The following KIF15 variants were observed in gnomAD, a reference collection of about 807,000 sequenced individuals.
The protein encoded by KIF15 is kinesin-like protein KIF15.
A neutral mutation model predicts 190.6 loss-of-function variants in KIF15; 140 were observed. That is an observed-to-expected ratio of 0.73 (90% CI 0.64 to 0.84). The LOEUF (loss-of-function observed/expected upper bound fraction) is 0.84, where lower values mean the gene tolerates loss of function less well. Ranked by LOEUF, KIF15 falls within the 40% of genes least tolerant of loss-of-function variation. KIF15 has a pLI of 0.00. For synonymous variants in KIF15, 528 were observed against 551.3 expected, an observed-to-expected ratio of 0.96 and a Z score of 0.59; for missense variants, 1,372 against 1,584.4, an observed-to-expected ratio of 0.87 and a Z score of 2.28.
intron 22 of KIF15, 148 bp from the exon 23 acceptor site, chr3:44,827,310 CA>C: frequency 1.7e-6 from 1 of 587,104 alleles, no homozygotes; most frequent in Non-Finnish European, 3.1e-6. Flanking sequence ...GAAATGGGTT[CA>C]AATTTCTGAT....
chr3:44,825,444 G>A (rs1697587781), intron 20 of KIF15, among the ~76,000 whole-genome samples: 1 of 152,160 alleles, frequency 6.6e-6, no homozygotes, highest in Admixed American at 6.5e-5. Flanking sequence ...TGATCCAGAG[G>A]TCAGATTGAT....
chr3:44,850,051 C>G (rs1467728953), intron 32 of KIF15, among the ~76,000 whole-genome samples: 1 of 152,104 alleles, frequency 6.6e-6, no homozygotes, highest in Non-Finnish European at 1.5e-5. Context: ...AAATCTTGTT[C>G]ACATAGTTAA....
intron 3 of KIF15, 51 bp from the exon 4 acceptor site, chr3:44,778,064 A>G: frequency 1.3e-6 from 2 of 1,506,696 alleles, no homozygotes; most frequent in Non-Finnish European, 1.8e-6. Flanking sequence ...GCAATTTAGG[A>G]AAAATGTTTT....
chr3:44,849,091 A>G (rs1312089791), intron 32 of KIF15, among the ~76,000 whole-genome samples: 3 of 152,228 alleles, frequency 2.0e-5, no homozygotes, highest in Non-Finnish European at 4.4e-5. Context: ...GCTGGTTGGC[A>G]TTAACACAAA....
intron 7 of KIF15, among the ~76,000 whole-genome samples, chr3:44,792,547 A>AT (rs879474361): frequency 0.028 from 4,039 of 143,394 alleles, 64 homozygotes; most frequent in Non-Finnish European, 0.039. Flanking sequence ...ACAGCTACGA[A>AT]TTTTTTTTTT....
chr3:44,798,478 T>C (rs1181247911), intron 10 of KIF15, among the ~76,000 whole-genome samples: 1 of 151,908 alleles, frequency 6.6e-6, no homozygotes, highest in Non-Finnish European at 1.5e-5. Flanking sequence ...GCCCGGCTAA[T>C]TTTTTGTATT....
chr3:44,821,512 C>T (rs1697314811), intron 20 of KIF15, among the ~76,000 whole-genome samples: 1 of 151,802 alleles, frequency 6.6e-6, no homozygotes, highest in African/African-American at 2.4e-5. Flanking sequence ...GCGCTCCCCA[C>T]ATCTCAGACG....
intron 6 of KIF15, among the ~76,000 whole-genome samples, chr3:44,785,450 C>G (rs1706359091): frequency 6.6e-6 from 1 of 152,198 alleles, no homozygotes; most frequent in African/African-American, 2.4e-5. Flanking sequence ...CTCCATCACC[C>G]TGGGGATATG....
At position 44,813,154 on chromosome 3, in the gene KIF15, T is replaced by G; in HGVS notation, c.2357T>G (p.Leu786Arg). 1 of 1,601,556 alleles carries G rather than the reference T, an allele frequency of 6.2e-7. No individual in the cohort carries two copies. Among genetic ancestry groups the G allele is most frequent in the South Asian group, 1.1e-5 (1 of 88,482 alleles). Residue 786 changes from leucine (L) to arginine (R), a missense_variant, in exon 19 of 35, where the codon CTT becomes CGT. Transcript: ENST00000326047. ...LSQLNVLEKQ[L>R]QETQTKNDFL... ...CAGTTGAATGTCCTTGAAAAGCAGCTTCAAGAGACTCAAACTAAAAATGAC... is the reference window on the plus strand; with the variant it reads ...CAGTTGAATGTCCTTGAAAAGCAGCGTCAAGAGACTCAAACTAAAAATGAC...
chr3:44,840,533 C>T, intron 28 of KIF15, 77 bp downstream of exon 28: 1 of 913,582 alleles, frequency 1.1e-6, no homozygotes, highest in South Asian at 1.5e-5. Context: ...TTAGGAAGAA[C>T]ATACCTTTGT....
At chr3:44,778,655 T>A (rs2125908190) in intron 4 of KIF15, among the ~76,000 whole-genome samples, 1 of 152,200 alleles carries the variant, frequency 6.6e-6, no homozygotes, top group African/African-American at 2.4e-5. Flanking sequence ...AGTATCTGTC[T>A]ATCTATATAT....
chr3:44,834,065 A>G, intron 26 of KIF15, among the ~76,000 whole-genome samples: 1 of 152,172 alleles, frequency 6.6e-6, no homozygotes, highest in Non-Finnish European at 1.5e-5. Flanking sequence ...TTAAAAATAA[A>G]ATGTGACTAC....
At chr3:44,849,069 C>A (rs1698970283) in intron 32 of KIF15, among the ~76,000 whole-genome samples, 12 of 152,160 alleles carry the variant, frequency 7.9e-5, no homozygotes. Flanking sequence ...CTGTAAAATT[C>A]AAACTAAGTA....
chr3:44,850,435 G>C (rs1251510683), intron 32 of KIF15, among the ~76,000 whole-genome samples: 1 of 152,144 alleles, frequency 6.6e-6, no homozygotes, highest in East Asian at 1.9e-4. Flanking sequence ...CTAGCAAAAA[G>C]AGTAAAAGCT....
At chr3:44,778,360 G>C (rs186555209) in intron 4 of KIF15, among the ~76,000 whole-genome samples, 169 bp downstream of exon 4, 2 of 152,204 alleles carry the variant, frequency 1.3e-5, no homozygotes, top group African/African-American at 4.8e-5. Flanking sequence ...AAATCAAGGC[G>C]TCAGCAGGGA....
intron 20 of KIF15, among the ~76,000 whole-genome samples, chr3:44,820,718 A>G (rs1187772128): frequency 6.6e-6 from 1 of 152,226 alleles, no homozygotes; most frequent in African/African-American, 2.4e-5. Context: ...TTCTTAGTAC[A>G]GAACAAAATG....
In KIF15 at chr3:44,775,440, AATG is replaced by A. The variant is rs763428766; in HGVS notation, c.246+6_246+8del. On this transcript the variant is annotated splice_donor_5th_base_variant and intron_variant, in intron 3 of 34. Transcript: ENST00000326047. ...TTGCAGATGTGGATACCACTCAGGT[AATG>A]ATAATTAGAAACTTAACTTTTTTTT... 6.3e-7 allele frequency: 1 copy of A among 1,580,036 alleles called. No individual in the cohort carries two copies. Among genetic ancestry groups the A allele is most frequent in the South Asian group, 1.1e-5 (1 of 87,310 alleles).
chr3:44,808,593 C>CTTT (rs1244748184), intron 16 of KIF15, among the ~76,000 whole-genome samples: 1 of 132,280 alleles, frequency 7.6e-6, no homozygotes, highest in Admixed American at 7.5e-5. Context: ...TATTGTTTTG[C>CTTT]TTTTTTTTTT....
intron 30 of KIF15, among the ~76,000 whole-genome samples, chr3:44,844,765 T>C (rs1420835921): frequency 1.3e-5 from 2 of 152,188 alleles, no homozygotes; most frequent in Non-Finnish European, 2.9e-5. Flanking sequence ...TGAGGAAAGC[T>C]CATGGATTAT....
Sources: allele counts gnomAD v4.1 joint callset (sites outside exome capture counted in the v4.1 genomes callset), GRCh38; gene constraint gnomAD v4.1.1; transcripts MANE v1.5; gene names NCBI Gene and HGNC (gene_info 2026-07-23, HGNC 2026-07-21).